The following TNRC6B variants were observed in gnomAD, a reference collection of about 807,000 sequenced individuals.
TNRC6B encodes trinucleotide repeat-containing gene 6B protein.
In TNRC6B, 52 loss-of-function variants were observed where a neutral mutation model predicts 203.6. The observed-to-expected ratio is 0.26, with a 90% CI of 0.20 to 0.32. TNRC6B has a LOEUF of 0.32. Ranked by LOEUF, TNRC6B falls within the 10% of genes least tolerant of loss-of-function variation. The probability of loss-of-function intolerance (pLI) is 1.00; values close to 1 mark genes in which losing one functional copy is unlikely to be tolerated. For synonymous variants in TNRC6B, 838 were observed against 845.7 expected, an observed-to-expected ratio of 0.99 and a Z score of 0.16; for missense variants, 1,923 against 2,286.2, an observed-to-expected ratio of 0.84 and a Z score of 3.24.
At chr22:40,180,352 CAT>C (rs919558140) in intron 1 of TNRC6B, among the ~76,000 whole-genome samples, 6 of 152,292 alleles carry the variant, frequency 3.9e-5, no homozygotes, top group African/African-American at 1.4e-4. Context: ...GCTGTGTAAA[CAT>C]ATGAATGGCA....
chr22:40,057,319 G>C (rs1337615888), intron 1 of TNRC6B, among the ~76,000 whole-genome samples: 1 of 140,960 alleles, frequency 7.1e-6, no homozygotes, highest in African/African-American at 2.7e-5. Flanking sequence ...TTGAGACAGA[G>C]TTTCGCTCTT....
intron 1 of TNRC6B, chr22:40,106,182 A>C: frequency 3.6e-6 from 1 of 281,094 alleles, no homozygotes; most frequent in South Asian, 5.1e-5. Context: ...ATTATTTTGA[A>C]TATGGGCCTT....
At chr22:40,058,096 C>T (rs2067816056) in intron 1 of TNRC6B, among the ~76,000 whole-genome samples, 1 of 152,188 alleles carries the variant, frequency 6.6e-6, no homozygotes, top group African/African-American at 2.4e-5. Context: ...CAAAAGGCCA[C>T]AATACTTACT....
At chr22:40,066,359 G>C (rs1171074865) in intron 1 of TNRC6B, among the ~76,000 whole-genome samples, 3 of 152,156 alleles carry the variant, frequency 2.0e-5, no homozygotes, top group Non-Finnish European at 4.4e-5. Context: ...TCTGGAAGCG[G>C]AAGTCTTGCC....
At chr22:40,218,602 A>G (rs569663846) in intron 1 of TNRC6B, among the ~76,000 whole-genome samples, 142 of 152,260 alleles carry the variant, frequency 9.3e-4, no homozygotes, top group African/African-American at 3.3e-3. Flanking sequence ...TGCTGGGACT[A>G]CAGATAGGAG....
intron 4 of TNRC6B, among the ~76,000 whole-genome samples, chr22:40,161,537 T>C (rs1238231773): frequency 6.6e-6 from 1 of 152,234 alleles, no homozygotes; most frequent in Admixed American, 6.5e-5. Context: ...TTCTGTGATG[T>C]TTATTTCAAT....
chr22:40,232,314 G>T (rs976648661), intron 1 of TNRC6B, among the ~76,000 whole-genome samples: 1 of 152,184 alleles, frequency 6.6e-6, no homozygotes, highest in African/African-American at 2.4e-5. Context: ...CATGTTTAAG[G>T]GATAATGATC....
intron 1 of TNRC6B, among the ~76,000 whole-genome samples, chr22:40,066,437 G>A (rs752097433): frequency 2.6e-5 from 4 of 152,066 alleles, no homozygotes; most frequent in South Asian, 2.1e-4. Context: ...TGGAATTTCC[G>A]TAGGGGGAAT....
At chr22:40,199,354 G>C (rs1321984947) in intron 1 of TNRC6B, among the ~76,000 whole-genome samples, 1 of 152,140 alleles carries the variant, frequency 6.6e-6, no homozygotes, top group African/African-American at 2.4e-5. Context: ...CCTGGCAGAT[G>C]CCACCTTAAC....
chr22:40,160,116 T>A (rs1328137954), intron 4 of TNRC6B, among the ~76,000 whole-genome samples: 1 of 152,128 alleles, frequency 6.6e-6, no homozygotes, highest in Non-Finnish European at 1.5e-5. Flanking sequence ...TTGAGCGGCC[T>A]ATTTCATTCT....
chr22:40,139,488 T>C (rs1348971843), intron 3 of TNRC6B, among the ~76,000 whole-genome samples: 1 of 152,096 alleles, frequency 6.6e-6, no homozygotes, highest in Non-Finnish European at 1.5e-5. Context: ...CATGCTGCCA[T>C]GCCCAGCTAA....
At chr22:40,261,553 G>A (rs2070382574) in intron 3 of TNRC6B, among the ~76,000 whole-genome samples, 1 of 151,912 alleles carries the variant, frequency 6.6e-6, no homozygotes, top group African/African-American at 2.4e-5. Context: ...ACTCCAGCCT[G>A]GGCGACACTC....
chr22:40,214,618 G>A (rs1050399015), intron 1 of TNRC6B, among the ~76,000 whole-genome samples: 1 of 151,798 alleles, frequency 6.6e-6, no homozygotes, highest in Non-Finnish European at 1.5e-5. Context: ...GGAGTGCAGT[G>A]GCATGATCAT....
At chr22:40,177,842 T>C, upstream of TNRC6B, 3 of 1,316,386 alleles carry the variant, frequency 2.3e-6, no homozygotes, top group Middle Eastern at 2.8e-4. Flanking sequence ...CAGCTCCAGC[T>C]CCCTCCCCTT....
At chr22:40,221,753 C>T (rs1337972374) in intron 1 of TNRC6B, among the ~76,000 whole-genome samples, 2 of 121,848 alleles carry the variant, frequency 1.6e-5, no homozygotes, top group South Asian at 3.0e-4. Flanking sequence ...TTCTTATTGC[C>T]CCCCCCCCTT....
chr22:40,148,568 C>T (rs1185591810), intron 3 of TNRC6B, among the ~76,000 whole-genome samples: 4 of 147,458 alleles, frequency 2.7e-5, no homozygotes, highest in African/African-American at 5.1e-5. Flanking sequence ...CAGGTGTGGG[C>T]CACCGCGCCG....
chr22:40,211,075 A>G (rs918917829), intron 1 of TNRC6B, among the ~76,000 whole-genome samples: 3 of 151,288 alleles, frequency 2.0e-5, no homozygotes, highest in Non-Finnish European at 2.9e-5. Context: ...AGCCCTTTTA[A>G]TACTGCTTCC....
intron 4 of TNRC6B, among the ~76,000 whole-genome samples, chr22:40,262,565 T>C (rs1186339030): frequency 6.6e-6 from 1 of 152,172 alleles, no homozygotes; most frequent in African/African-American, 2.4e-5. Flanking sequence ...GCTAGGAGGA[T>C]AGAGAAAATG....
intron 1 of TNRC6B, among the ~76,000 whole-genome samples, chr22:40,047,852 T>C (rs1336587636): frequency 2.6e-5 from 4 of 152,250 alleles, no homozygotes; most frequent in Non-Finnish European, 1.5e-5. Flanking sequence ...TCCAGCACAG[T>C]GCTTGGCACA....
Sources: allele counts gnomAD v4.1 joint callset (sites outside exome capture counted in the v4.1 genomes callset), GRCh38; gene constraint gnomAD v4.1.1; transcripts MANE v1.5; gene names NCBI Gene and HGNC (gene_info 2026-07-23, HGNC 2026-07-21).